The following CTNNBL1 variants were observed in gnomAD, a reference collection of about 807,000 sequenced individuals.
CTNNBL1 encodes the protein beta-catenin-like protein 1.
CTNNBL1 carries 31 observed loss-of-function variants against 72.7 expected under a neutral mutation model. The observed-to-expected ratio is 0.43, with a 90% CI of 0.32 to 0.58. The LOEUF is 0.58. Ranked by LOEUF, CTNNBL1 falls within the 20% of genes least tolerant of loss-of-function variation. The pLI is 0.08. For synonymous variants in CTNNBL1, 240 were observed against 267.3 expected (o/e 0.90, Z 1.00); for missense variants, 534 against 725.1 (o/e 0.74, Z 3.03).
chr20:37,819,349 G>C (rs923353723), intron 11 of CTNNBL1, among the ~76,000 whole-genome samples: 8 of 152,134 alleles, frequency 5.3e-5, no homozygotes, highest in Non-Finnish European at 1.0e-4. Flanking sequence ...CAATATTTCA[G>C]ATGACTGAAA....
chr20:37,804,007 T>C (rs565283006), intron 11 of CTNNBL1, among the ~76,000 whole-genome samples: 1 of 152,218 alleles, frequency 6.6e-6, no homozygotes, highest in East Asian at 1.9e-4. Flanking sequence ...TTGGAGTGGC[T>C]AAAGGGAAGG....
rs1401536786 is a variant in CTNNBL1 at position 37,732,946 on chromosome 20, C to T, written c.98C>T (p.Thr33Ile). 1 of 1,614,060 alleles carries T rather than the reference C, an allele frequency of 6.2e-7. No homozygotes were observed. The highest frequency in any genetic ancestry group is 8.5e-7 in the Non-Finnish European group (1 of 1,180,024). ...GAGCAGAAGATGCGTCGGAAACAAA[C>T]TGGTACTCGAGAACGCGGCCGCTAT... Reference protein sequence around the residue: ...EEEQKMRRKQTGTRERGRYRE... With the variant: ...EEEQKMRRKQIGTRERGRYRE... The change falls in exon 2 of 16, where the codon ACT becomes ATT. Residue 33 changes from threonine to isoleucine, a missense_variant. By Grantham distance (89) the Thr-to-Ile change is moderately conservative (BLOSUM62 -1). Transcript: ENST00000361383.
intron 15 of CTNNBL1, among the ~76,000 whole-genome samples, chr20:37,867,992 G>A (rs754207923): frequency 1.3e-5 from 2 of 152,150 alleles, no homozygotes; most frequent in Non-Finnish European, 2.9e-5. Context: ...GCCTGGCTCC[G>A]TGGCCGGCTC....
chr20:37,815,583 G>T (rs2072050026), intron 11 of CTNNBL1, among the ~76,000 whole-genome samples: 1 of 152,162 alleles, frequency 6.6e-6, no homozygotes, highest in African/African-American at 2.4e-5. Flanking sequence ...CTCCCAAAGT[G>T]CTGGGATTAC....
At chr20:37,798,818 T>C (rs770392310) in intron 10 of CTNNBL1, among the ~76,000 whole-genome samples, 9 of 152,228 alleles carry the variant, frequency 5.9e-5, no homozygotes, top group Admixed American at 1.3e-4. Flanking sequence ...GAAGGTGCCC[T>C]ATTTTATGAC....
At chr20:37,808,940 A>G (rs1369466853) in intron 11 of CTNNBL1, among the ~76,000 whole-genome samples, 2 of 151,802 alleles carry the variant, frequency 1.3e-5, no homozygotes, top group African/African-American at 4.8e-5. Flanking sequence ...TAACTCTAAT[A>G]TTCCCCACGT....
intron 1 of CTNNBL1, among the ~76,000 whole-genome samples, chr20:37,718,616 G>A (rs1399195063): frequency 1.3e-5 from 2 of 151,982 alleles, no homozygotes; most frequent in African/African-American, 2.4e-5. Flanking sequence ...CCTCCCGGAC[G>A]GGGCGGCTGG....
intron 10 of CTNNBL1, among the ~76,000 whole-genome samples, chr20:37,787,689 G>A (rs2122708267): frequency 6.6e-6 from 1 of 152,336 alleles, no homozygotes; most frequent in East Asian, 1.9e-4. Flanking sequence ...TCTTTCAGTA[G>A]ATGAATTTAA....
At chr20:37,724,260 C>T (rs758420247) in intron 1 of CTNNBL1, among the ~76,000 whole-genome samples, 1 of 152,148 alleles carries the variant, frequency 6.6e-6, no homozygotes, top group South Asian at 2.1e-4. Flanking sequence ...GTATACCCCC[C>T]TCTTCTCCTC....
At chr20:37,770,794 T>G (rs2073515461) in intron 7 of CTNNBL1, among the ~76,000 whole-genome samples, 1 of 152,204 alleles carries the variant, frequency 6.6e-6, no homozygotes, top group Non-Finnish European at 1.5e-5. Context: ...CTATTTGGGT[T>G]TTTTACTGGT....
intron 13 of CTNNBL1, among the ~76,000 whole-genome samples, chr20:37,843,174 ACACTTCT>A: frequency 6.6e-6 from 1 of 152,160 alleles, no homozygotes; most frequent in East Asian, 1.9e-4. Context: ...CCCCTACAAG[ACACTTCT>A]CAAGTCTTCA....
At chr20:37,836,761 G>A (rs2072258022) in intron 11 of CTNNBL1, among the ~76,000 whole-genome samples, 1 of 152,198 alleles carries the variant, frequency 6.6e-6, no homozygotes, top group Non-Finnish European at 1.5e-5. Flanking sequence ...GGAGTAATCT[G>A]AAGTTTGAGT....
At chr20:37,709,871 A>G (rs1469369941) in intron 1 of CTNNBL1, among the ~76,000 whole-genome samples, 2 of 152,206 alleles carry the variant, frequency 1.3e-5, no homozygotes, top group African/African-American at 4.8e-5. Context: ...GGAAAATGTG[A>G]TGCCCTTCAG....
At chr20:37,796,461 T>TG in intron 10 of CTNNBL1, among the ~76,000 whole-genome samples, 1 of 152,136 alleles carries the variant, frequency 6.6e-6, no homozygotes, top group East Asian at 1.9e-4. Flanking sequence ...TTTTTTTTTT[T>TG]TTAACTTTCA....
intron 1 of CTNNBL1, among the ~76,000 whole-genome samples, chr20:37,715,687 C>G (rs1043982074): frequency 2.0e-5 from 3 of 152,172 alleles, no homozygotes. Context: ...CTGGAATTCT[C>G]AGATTTCTAA....
chr20:37,708,730 C>A (rs946056489), intron 1 of CTNNBL1, among the ~76,000 whole-genome samples: 1 of 152,128 alleles, frequency 6.6e-6, no homozygotes, highest in Non-Finnish European at 1.5e-5. Flanking sequence ...CAGTGCCTTT[C>A]TATCTTTTAA....
chr20:37,844,558 G>A (rs140476985), intron 13 of CTNNBL1, among the ~76,000 whole-genome samples: 120 of 152,278 alleles, frequency 7.9e-4, no homozygotes, highest in African/African-American at 2.5e-3. Flanking sequence ...TGAGATTTTG[G>A]ATAATCGAGG....
chr20:37,849,929 T>C (rs2072381647), intron 13 of CTNNBL1, among the ~76,000 whole-genome samples: 1 of 152,248 alleles, frequency 6.6e-6, no homozygotes, highest in Non-Finnish European at 1.5e-5. Context: ...AAATGCAGTA[T>C]ATGTAAATCA....
intron 1 of CTNNBL1, among the ~76,000 whole-genome samples, chr20:37,697,547 G>A (rs1356862361): frequency 1.3e-5 from 2 of 152,200 alleles, no homozygotes; most frequent in Non-Finnish European, 2.9e-5. Context: ...GTAGGCATGT[G>A]ACAAGACTAT....
Sources: gnomAD v4.1 joint callset for allele counts (sites outside exome capture counted in the v4.1 genomes callset) on GRCh38, gnomAD v4.1.1 for gene constraint, MANE v1.5 for transcripts, NCBI Gene and HGNC (gene_info 2026-07-23, HGNC 2026-07-21) for gene names.